The following NCR1 variants were observed in gnomAD, a reference collection of about 807,000 sequenced individuals.
NCR1 encodes the protein NK cell-activating receptor.
Under a neutral mutation model 32.5 loss-of-function variants are expected in NCR1, and 30 were observed. The ratio of observed to expected loss-of-function variants is 0.92; its 90% CI spans 0.69 to 1.25. The LOEUF (loss-of-function observed/expected upper bound fraction) is 1.25, where lower values mean the gene tolerates loss of function less well. Ranked by LOEUF, NCR1 falls within the 50% of genes most tolerant of loss-of-function variation. The pLI, the probability that NCR1 is intolerant of heterozygous loss-of-function variation, is 0.00. For missense variants in NCR1, 369 were observed against 380.7 expected, an observed-to-expected ratio of 0.97 and a Z score of 0.26; for synonymous variants, 169 against 143.4, an observed-to-expected ratio of 1.18 and a Z score of -1.28.
the NCR1 span, chr19:54,930,630 T>G: frequency 6.2e-7 from 1 of 1,613,282 alleles, no homozygotes; most frequent in Admixed American, 1.7e-5. Context: ...CTGAGAGATA[T>G]CTACAGCCAA....
the NCR1 span, among the ~76,000 whole-genome samples, chr19:54,899,223 T>G: frequency 1.3e-5 from 2 of 152,106 alleles, no homozygotes; most frequent in African/African-American, 4.8e-5. Flanking sequence ...AAAGTGCCGT[T>G]TTCTGGCTAT....
chr19:54,904,512 T>C (rs756226732), upstream of NCR1, among the ~76,000 whole-genome samples: 1 of 150,784 alleles, frequency 6.6e-6, no homozygotes, highest in African/African-American at 2.4e-5. Flanking sequence ...TGAGAACATG[T>C]GGTATTTGGT....
chr19:54,923,594 C>G, the NCR1 span: 13 of 929,272 alleles, frequency 1.4e-5, no homozygotes, highest in Non-Finnish European at 1.9e-5. Flanking sequence ...TGCAGAATCT[C>G]CCAAAAATAG....
chr19:54,904,109 G>C (rs1230473031), upstream of NCR1, among the ~76,000 whole-genome samples: 13 of 120,470 alleles, frequency 1.1e-4, no homozygotes, highest in South Asian at 2.7e-3. Context: ...CTGGGCAACA[G>C]AGCAAGACTC....
chr19:54,931,959 G>C, the NCR1 span, among the ~76,000 whole-genome samples: 2 of 152,066 alleles, frequency 1.3e-5, no homozygotes, highest in African/African-American at 4.8e-5. Flanking sequence ...TCTGAGCCCT[G>C]GGTCACTTAT....
the NCR1 span, among the ~76,000 whole-genome samples, chr19:54,933,952 G>A: frequency 8.5e-5 from 13 of 152,070 alleles, no homozygotes; most frequent in Non-Finnish European, 1.9e-4. Flanking sequence ...GGACACAGGT[G>A]TTGTTTTTGA....
chr19:54,934,468 C>T, the NCR1 span: 18 of 1,613,460 alleles, frequency 1.1e-5, no homozygotes, highest in African/African-American at 1.3e-5. The surrounding 1 kb of genome is among the most constrained non-coding windows in gnomAD (Gnocchi z 6.7). Flanking sequence ...CCAGAGCTGC[C>T]CATGGGAAGA....
the NCR1 span, among the ~76,000 whole-genome samples, chr19:54,926,145 T>C: frequency 3.8e-4 from 58 of 152,132 alleles, no homozygotes; most frequent in Middle Eastern, 3.4e-3. Context: ...GACGATCTTC[T>C]GAAAAGCTAA....
At chr19:54,933,630 T>C in the NCR1 span, 1 of 1,614,228 alleles carries the variant, frequency 6.2e-7, no homozygotes. Context: ...TTCACCCCTG[T>C]ATCCCCAATG....
the NCR1 span, among the ~76,000 whole-genome samples, chr19:54,898,563 T>C: frequency 6.6e-6 from 1 of 152,190 alleles, no homozygotes; most frequent in African/African-American, 2.4e-5. Context: ...TTGTGGGGTT[T>C]GAGGGACAGA....
At chr19:54,903,891 G>A (rs926681246), upstream of NCR1, among the ~76,000 whole-genome samples, 8 of 151,410 alleles carry the variant, frequency 5.3e-5, no homozygotes, top group South Asian at 2.1e-4. Flanking sequence ...TTGAGAGGCC[G>A]AGGCAGGAAG....
rs772234312 is a variant in NCR1 at position 54,906,704 on chromosome 19, C to T, written c.252C>T (p.Tyr84=). 1 of 1,614,226 alleles carries T rather than the reference C, an allele frequency of 6.2e-7. No individual in the cohort carries two copies. The highest frequency in any genetic ancestry group is 8.5e-7 in the Non-Finnish European group (1 of 1,180,038). The change falls in exon 3 of 7, where the codon TAC becomes TAT. Residue 84 remains tyrosine, a synonymous_variant. Transcript: ENST00000291890. ...PPERINKVQF[Y]IPDMNSRMAG... ...AGCGGATTAACAAAGTCCAATTCTA[C>T]ATCCCGGACATGAACTCCCGCATGG...
chr19:54,904,553 A>G (rs1486029080), upstream of NCR1, among the ~76,000 whole-genome samples: 4 of 112,206 alleles, frequency 3.6e-5, no homozygotes, highest in African/African-American at 1.4e-4. Context: ...TTTTTTTGAG[A>G]TGGAGTTTCA....
At chr19:54,917,564 G>A (rs927459837), downstream of NCR1, among the ~76,000 whole-genome samples, 9 of 151,976 alleles carry the variant, frequency 5.9e-5, no homozygotes, top group South Asian at 4.1e-4. Context: ...CATGTGATCC[G>A]CCCACCTTGG....
chr19:54,923,824 T>G, the NCR1 span: 27 of 1,613,842 alleles, frequency 1.7e-5, no homozygotes, highest in African/African-American at 2.7e-5. Flanking sequence ...TTTCTTTCAC[T>G]TCCTCCAACA....
the NCR1 span, among the ~76,000 whole-genome samples, chr19:54,928,093 G>A: frequency 1.3e-5 from 2 of 152,142 alleles, no homozygotes; most frequent in Non-Finnish European, 2.9e-5. Flanking sequence ...GGTGGTGTGT[G>A]CCTTTAATGC....
intron 3 of NCR1, among the ~76,000 whole-genome samples, chr19:54,907,313 G>A (rs1231888606): frequency 2.0e-5 from 3 of 150,930 alleles, no homozygotes; most frequent in Non-Finnish European, 4.4e-5. Flanking sequence ...CCACCACTAC[G>A]CCACATTTTG....
the NCR1 span, chr19:54,927,587 A>G: frequency 6.2e-7 from 1 of 1,613,156 alleles, no homozygotes; most frequent in African/African-American, 1.3e-5. Context: ...AAAACAAAAC[A>G]AAACAAAAAA....
chr19:54,903,368 A>ATG (rs1569535537), upstream of NCR1, among the ~76,000 whole-genome samples: 130 of 129,246 alleles, frequency 1.0e-3, 10 homozygotes, highest in African/African-American at 4.0e-3. Context: ...ACATACATGT[A>ATG]TATATACATG....
Sources: allele counts gnomAD v4.1 joint callset (sites outside exome capture counted in the v4.1 genomes callset), GRCh38; gene constraint gnomAD v4.1.1; non-coding constraint Gnocchi (gnomAD v3.1); transcripts MANE v1.5; gene names NCBI Gene and HGNC (gene_info 2026-07-23, HGNC 2026-07-21).